IL1RAPL1: variants seen among roughly 807,000 people sequenced by gnomAD.
IL1RAPL1 encodes the protein interleukin 1 receptor accessory protein like 1.
IL1RAPL1 carries 3 observed loss-of-function variants against 48.4 expected under a neutral mutation model. That is an observed-to-expected ratio of 0.06 (90% confidence interval 0.03 to 0.16). The LOEUF (loss-of-function observed/expected upper bound fraction) is 0.16. IL1RAPL1 is among the 10% of genes least tolerant of loss of function. The pLI is 1.00. For missense variants in IL1RAPL1, 349 were observed against 530.6 expected (o/e 0.66, Z 3.36); for synonymous variants, 185 against 187.7 (o/e 0.99, Z 0.12).
chrX:29,708,695 T>C (rs1235297422), intron 6 of IL1RAPL1, among the ~76,000 whole-genome samples: 1 of 112,363 alleles, frequency 8.9e-6, no homozygotes, highest in East Asian at 2.8e-4. Context: ...TGCAGATAGC[T>C]CTTCAACATG....
At chrX:29,595,123 C>T (rs771194198) in intron 5 of IL1RAPL1, among the ~76,000 whole-genome samples, 2 of 112,032 alleles carry the variant, frequency 1.8e-5, no homozygotes, top group Non-Finnish European at 3.8e-5. Flanking sequence ...TTTTCTTTTC[C>T]ACTCATTGAT....
At chrX:29,885,090 GCC>G in intron 6 of IL1RAPL1, among the ~76,000 whole-genome samples, 1 of 111,069 alleles carries the variant, frequency 9.0e-6, no homozygotes, top group African/African-American at 3.3e-5. Flanking sequence ...TGCCACAACA[GCC>G]CCACTGGCCT....
intron 2 of IL1RAPL1, among the ~76,000 whole-genome samples, chrX:29,136,600 G>T (rs1319285221): frequency 9.0e-6 from 1 of 111,126 alleles, no homozygotes; most frequent in Non-Finnish European, 1.9e-5. Flanking sequence ...GGCCTCAAGC[G>T]ATCCTCCCAC....
chrX:28,816,952 T>C lies in IL1RAPL1; in HGVS notation c.82+27527T>C, dbSNP rs376403243. ...AATAGCCATTCTGACTGGTGTGAGA[T>C]GGATGTATCTCACTGATGCCTGTTC... On this transcript the variant is annotated intron_variant, in intron 2 of 10. Coordinates refer to ENST00000378993, the MANE Select transcript of IL1RAPL1 (RefSeq NM_014271.4). 4.5e-5 allele frequency among the ~76,000 whole-genome samples: 5 copies of C among 110,867 alleles called. No individual in the cohort carries two copies. The East Asian group carries it at 8.6e-4, about 19-fold the overall frequency.
intron 2 of IL1RAPL1, among the ~76,000 whole-genome samples, chrX:28,915,632 G>A (rs975368697): frequency 9.0e-5 from 10 of 111,115 alleles, no homozygotes; most frequent in Admixed American, 7.7e-4. Flanking sequence ...AAGAGTTGAC[G>A]CGAGATTTGA....
intron 5 of IL1RAPL1, among the ~76,000 whole-genome samples, chrX:29,460,881 A>G (rs1396290459): frequency 9.0e-6 from 1 of 111,674 alleles, no homozygotes; most frequent in Non-Finnish European, 1.9e-5. Flanking sequence ...GTGGACCAAT[A>G]TTTCTTAAAT....
intron 2 of IL1RAPL1, among the ~76,000 whole-genome samples, chrX:29,275,335 C>T (rs771942009): frequency 9.0e-6 from 1 of 111,626 alleles, no homozygotes; most frequent in African/African-American, 3.3e-5. Flanking sequence ...TACGGGGCTA[C>T]AGAATTAAGT....
At chrX:29,243,411 C>T (rs1460639588) in intron 2 of IL1RAPL1, among the ~76,000 whole-genome samples, 1 of 111,832 alleles carries the variant, frequency 8.9e-6, no homozygotes, top group Non-Finnish European at 1.9e-5. Flanking sequence ...TCTCTCTGCT[C>T]ATCACCTATT....
intron 6 of IL1RAPL1, among the ~76,000 whole-genome samples, chrX:29,913,480 T>A (rs1932776505): frequency 9.4e-6 from 1 of 106,405 alleles, no homozygotes; most frequent in Admixed American, 1.0e-4. Flanking sequence ...ATATATATAT[T>A]TTCTGCCTTA....
At chrX:29,534,113 T>A (rs1020640656) in intron 5 of IL1RAPL1, among the ~76,000 whole-genome samples, 1 of 111,967 alleles carries the variant, frequency 8.9e-6, no homozygotes. Context: ...CCTTCAGAAA[T>A]TGAGCCAAAT....
chrX:29,542,735 G>A (rs1248747603), intron 5 of IL1RAPL1, among the ~76,000 whole-genome samples: 1 of 112,006 alleles, frequency 8.9e-6, no homozygotes, highest in African/African-American at 3.2e-5. Context: ...GAGCATATTT[G>A]ATGCCTGTTT....
intron 2 of IL1RAPL1, among the ~76,000 whole-genome samples, chrX:29,185,314 G>A (rs1484017379): frequency 1.8e-5 from 2 of 111,403 alleles, no homozygotes; most frequent in African/African-American, 3.3e-5. Context: ...ATATTCTTAC[G>A]TTTTGTTTTT....
At chrX:29,645,019 A>C (rs1323843565) in intron 5 of IL1RAPL1, among the ~76,000 whole-genome samples, 1 of 113,198 alleles carries the variant, frequency 8.8e-6, no homozygotes, top group Non-Finnish European at 1.9e-5. Flanking sequence ...TATGTGAATG[A>C]TTATCTTCAC....
chrX:29,111,968 C>T (rs1569239298), intron 2 of IL1RAPL1, among the ~76,000 whole-genome samples: 1 of 81,912 alleles, frequency 1.2e-5, no homozygotes, highest in Admixed American at 1.8e-4. Flanking sequence ...CTCACTCTGT[C>T]ACCCAGGCTG....
Position 29,236,592 on chromosome X carries a change from A to G in IL1RAPL1, c.83-46346A>G, listed in dbSNP as rs746694837. Among the ~76,000 whole-genome samples, 71 of 82,523 alleles carry G rather than the reference A, an allele frequency of 8.6e-4. 2 individuals carry two copies. The highest frequency in any genetic ancestry group is 3.2e-3 in the African/African-American group (60 of 18,657). The allele number at this position is 82,523 out of a possible 115,157, so 71.7% of individuals were successfully genotyped here. A position where few individuals can be genotyped will look rare whatever the true frequency, so the allele number is the denominator to read the frequency against. ...TTTTGAGATGGAGTCTTGCTCTGTC[A>G]CCCAGGCTGGAGTACAGTGGTGCGA... On this transcript the variant is annotated intron_variant, in intron 2 of 10. Coordinates refer to ENST00000378993, the MANE Select transcript of IL1RAPL1 (RefSeq NM_014271.4).
intron 2 of IL1RAPL1, among the ~76,000 whole-genome samples, chrX:28,928,532 C>G (rs750960848): frequency 8.9e-6 from 1 of 111,966 alleles, no homozygotes; most frequent in South Asian, 3.7e-4. Context: ...TTCCCTTTCC[C>G]ACTTGCATCT....
intron 2 of IL1RAPL1, among the ~76,000 whole-genome samples, chrX:28,869,579 A>T (rs1005569269): frequency 4.5e-5 from 5 of 112,023 alleles, no homozygotes; most frequent in African/African-American, 1.6e-4. Context: ...AAATGAAAAA[A>T]ATTTAGGTTA....
At chrX:29,544,084 G>C (rs139051092) in intron 5 of IL1RAPL1, among the ~76,000 whole-genome samples, 337 of 111,462 alleles carry the variant, frequency 3.0e-3, no homozygotes, top group African/African-American at 0.011. Flanking sequence ...CTGTAGCAAG[G>C]GTTCAGGGAC....
intron 6 of IL1RAPL1, among the ~76,000 whole-genome samples, chrX:29,815,157 A>G (rs751919002): frequency 2.7e-5 from 3 of 111,722 alleles, no homozygotes; most frequent in Non-Finnish European, 5.7e-5. Context: ...CTGAATCTAT[A>G]AATTGCTTTG....
Sources: gnomAD v4.1 joint callset for allele counts (sites outside exome capture counted in the v4.1 genomes callset) on GRCh38, gnomAD v4.1.1 for gene constraint, MANE v1.5 for transcripts, NCBI Gene and HGNC (gene_info 2026-07-23, HGNC 2026-07-21) for gene names.